VWC2L: variants seen among roughly 807,000 people sequenced by gnomAD.
VWC2L encodes von Willebrand factor C domain-containing protein 2-like.
Under a neutral mutation model 21.6 loss-of-function variants are expected in VWC2L, and 10 were observed. The observed-to-expected ratio is 0.46, with a 90% confidence interval of 0.29 to 0.78. The LOEUF is 0.78. VWC2L is among the 30% of genes least tolerant of loss of function. The pLI, the probability that VWC2L is intolerant of heterozygous loss-of-function variation, is 0.10. For missense variants in VWC2L, 209 were observed against 277.1 expected, an observed-to-expected ratio of 0.75 and a Z score of 1.74; for synonymous variants, 96 against 94.3, an observed-to-expected ratio of 1.02 and a Z score of -0.10.
At chr2:214,420,353 G>A (rs953934869) in intron 2 of VWC2L, among the ~76,000 whole-genome samples, 2 of 152,112 alleles carry the variant, frequency 1.3e-5, no homozygotes, top group Admixed American at 6.5e-5. Context: ...AAGGCAACAT[G>A]TTCTAGGAGC....
In VWC2L at chr2:214,414,280, T is replaced by C; in HGVS notation, c.87T>C (p.Tyr29=). 1 of 1,613,888 alleles carries C rather than the reference T, an allele frequency of 6.2e-7. No homozygotes were observed. Among genetic ancestry groups the C allele is most frequent in the African/African-American group, 1.3e-5 (1 of 75,020 alleles). The change falls in exon 2 of 4, where the codon TAT becomes TAC. Residue 29 remains tyrosine (Y), a synonymous_variant. Coordinates refer to ENST00000312504, the MANE Select transcript of VWC2L (RefSeq NM_001080500.4). The part of the protein sequence containing the change: ...VTSAAISHED[Y]PADEGDQISS... ...CTGCTGCTATCAGTCATGAAGACTA[T>C]CCTGCTGATGAAGGTGACCAGATCT...
At chr2:214,415,786 G>A (rs1000236084) in intron 2 of VWC2L, among the ~76,000 whole-genome samples, 1 of 152,004 alleles carries the variant, frequency 6.6e-6, no homozygotes, top group African/African-American at 2.4e-5. Context: ...AGGACAAAAG[G>A]GAAATTTTAA....
intron 3 of VWC2L, among the ~76,000 whole-genome samples, chr2:214,439,260 G>C (rs76843704): frequency 0.05 from 7,666 of 151,912 alleles, 594 homozygotes; most frequent in African/African-American, 0.17. Context: ...ATATATAGAA[G>C]ACATGGAGGA....
intron 3 of VWC2L, among the ~76,000 whole-genome samples, chr2:214,567,532 AC>A (rs1444530179): frequency 7.0e-6 from 1 of 143,086 alleles, no homozygotes; most frequent in Admixed American, 7.3e-5. Context: ...TCATCCATTC[AC>A]CCCTTCATCC....
intron 3 of VWC2L, among the ~76,000 whole-genome samples, chr2:214,487,254 A>T (rs1227275686): frequency 1.3e-5 from 2 of 152,196 alleles, no homozygotes; most frequent in African/African-American, 4.8e-5. Context: ...ACTCTAGCAA[A>T]TTGATACATT....
rs1484295191 is a variant in VWC2L, at chr2:214,501,121, C to T, written c.520+64363C>T. 2.6e-5 allele frequency among the ~76,000 whole-genome samples: 4 copies of T among 152,136 alleles called. No individual in the cohort carries two copies. In the East Asian group the frequency reaches 5.8e-4, roughly 22 times the overall value. On this transcript the variant is annotated intron_variant, in intron 3 of 3. Coordinates refer to ENST00000312504, the MANE Select transcript of VWC2L (RefSeq NM_001080500.4). ...TATTAGCCAGTAAGCCAATACTAAA[C>T]CCCCAAATTATGCAGACTGGCCTAC...
chr2:214,466,215 C>G (rs182503299), intron 3 of VWC2L, among the ~76,000 whole-genome samples: 8 of 152,284 alleles, frequency 5.3e-5, no homozygotes, highest in Admixed American at 5.2e-4. Flanking sequence ...TTCTACCTCT[C>G]TCAGTAAACC....
At chr2:214,442,734 A>G (rs1356508821) in intron 3 of VWC2L, among the ~76,000 whole-genome samples, 2 of 152,102 alleles carry the variant, frequency 1.3e-5, no homozygotes, top group African/African-American at 4.8e-5. Context: ...AAGGCAAGAA[A>G]AAAGCTTTCT....
intron 3 of VWC2L, among the ~76,000 whole-genome samples, chr2:214,573,392 G>A (rs536688113): frequency 7.9e-4 from 120 of 152,132 alleles, no homozygotes; most frequent in Non-Finnish European, 1.5e-3. Flanking sequence ...CCACTATTTA[G>A]AATTTTATTT....
intron 3 of VWC2L, among the ~76,000 whole-genome samples, chr2:214,515,663 C>A (rs1689130352): frequency 6.6e-6 from 1 of 152,212 alleles, no homozygotes; most frequent in Admixed American, 6.5e-5. Context: ...CAGCGATTCT[C>A]CTGCCTCAGC....
At chr2:214,464,833 G>A (rs2126190164) in intron 3 of VWC2L, among the ~76,000 whole-genome samples, 1 of 152,158 alleles carries the variant, frequency 6.6e-6, no homozygotes, top group East Asian at 1.9e-4. Context: ...CTGTGGCTGA[G>A]CTGGCACCCA....
chr2:214,530,102 A>C (rs1689410005), intron 3 of VWC2L, among the ~76,000 whole-genome samples: 1 of 152,220 alleles, frequency 6.6e-6, no homozygotes, highest in Admixed American at 6.5e-5. Flanking sequence ...CATATGAGAA[A>C]AAAATGAAAT....
At chr2:214,574,461 T>C (rs1438166653) in intron 3 of VWC2L, among the ~76,000 whole-genome samples, 2 of 152,196 alleles carry the variant, frequency 1.3e-5, no homozygotes, top group African/African-American at 4.8e-5. Context: ...ACTCCAAATA[T>C]GAAGCGGAAC....
At chr2:214,488,627 A>G (rs1181624712) in intron 3 of VWC2L, among the ~76,000 whole-genome samples, 2 of 152,178 alleles carry the variant, frequency 1.3e-5, no homozygotes, top group African/African-American at 4.8e-5. Flanking sequence ...AAACCCTGTT[A>G]GGCACATGTC....
intron 3 of VWC2L, among the ~76,000 whole-genome samples, chr2:214,568,620 A>C (rs1003017507): frequency 6.6e-6 from 1 of 152,182 alleles, no homozygotes. Context: ...TAAAACCATG[A>C]GATCCCATGA....
chr2:214,442,757 T>C (rs1166997498), intron 3 of VWC2L, among the ~76,000 whole-genome samples: 1 of 152,064 alleles, frequency 6.6e-6, no homozygotes, highest in Non-Finnish European at 1.5e-5. Context: ...TTTAAAATGG[T>C]ATATAAATTG....
intron 2 of VWC2L, among the ~76,000 whole-genome samples, chr2:214,433,027 G>GAA (rs34913555): frequency 1.9e-5 from 2 of 106,896 alleles, no homozygotes; most frequent in Non-Finnish European, 4.1e-5. Context: ...ATCTCAAGAA[G>GAA]AAAAAAAAAA....
chr2:214,567,632 A>G (rs1690088829), intron 3 of VWC2L, among the ~76,000 whole-genome samples: 1 of 151,316 alleles, frequency 6.6e-6, no homozygotes, highest in African/African-American at 2.4e-5. Flanking sequence ...AAAACATCAT[A>G]GCCTTTTACC....
At chr2:214,539,907 G>A (rs1388064466) in intron 3 of VWC2L, among the ~76,000 whole-genome samples, 2 of 152,072 alleles carry the variant, frequency 1.3e-5, no homozygotes, top group Non-Finnish European at 2.9e-5. Flanking sequence ...TTTTAATGCT[G>A]CATGGGGCTT....
Sources: allele counts gnomAD v4.1 joint callset (sites outside exome capture counted in the v4.1 genomes callset), GRCh38; gene constraint gnomAD v4.1.1; transcripts MANE v1.5; gene names NCBI Gene and HGNC (gene_info 2026-07-23, HGNC 2026-07-21).